The following ATP12A variants were observed in gnomAD, a reference collection of about 807,000 sequenced individuals.
ATP12A encodes the protein ATPase H+/K+ transporting non-gastric alpha2 subunit.
In ATP12A, 81 loss-of-function variants were observed where a neutral mutation model predicts 111.2. That is an observed-to-expected ratio of 0.73 (90% CI 0.61 to 0.88). The LOEUF is 0.88. Among genes scored for constraint, ATP12A ranks in the 40% least tolerant of loss-of-function variants. ATP12A has a pLI of 0.00. For missense variants in ATP12A, 1,196 were observed against 1,313.1 expected (o/e 0.91, Z 1.38); for synonymous variants, 498 against 499.8 (o/e 1.00, Z 0.05).
At chr13:24,709,887 G>T (rs1875888301) in intron 19 of ATP12A, 59 bp downstream of exon 19, 1 of 1,598,902 alleles carries the variant, frequency 6.3e-7, no homozygotes, top group Non-Finnish European at 8.5e-7. Context: ...TCATTGCCCT[G>T]CGCAGAATTA....
intron 17 of ATP12A, among the ~76,000 whole-genome samples, chr13:24,708,532 C>T (rs937371324): frequency 2.0e-5 from 3 of 152,106 alleles, no homozygotes; most frequent in African/African-American, 7.2e-5. Context: ...GCCTGCTTTG[C>T]TCTGCTGCAG....
In ATP12A at chr13:24,691,236, C is replaced by T. The variant is rs1874891236; in HGVS notation, c.1054C>T (p.Leu352=). The change falls in exon 8 of 23, where the codon CTG becomes TTG. Residue 352 remains leucine, a synonymous_variant. Coordinates refer to ENST00000381946, the MANE Select transcript of ATP12A (RefSeq NM_001676.7). The part of the protein sequence containing the change: ...IIVANVPEGL[L]ATVTVTLSLT... ...TGTGGCCAATGTGCCCGAGGGCCTC[C>T]TGGCCACTGTCACTGTGAGTCCATG... 1.9e-6 allele frequency: 3 copies of T among 1,612,476 alleles called. No homozygotes were observed. In the African/African-American group the frequency reaches 4.0e-5, roughly 22 times the overall value.
At position 24,706,418 on chromosome 13, in the gene ATP12A, A is replaced by T; in HGVS notation, c.2124A>T (p.Thr708=). The T allele has an allele frequency of 2.5e-6, 4 of 1,614,202 alleles. No homozygotes were observed. The highest frequency in any genetic ancestry group is 3.4e-6 in the Non-Finnish European group (4 of 1,180,038). The change falls in exon 15 of 23, where the codon ACA becomes ACT. Residue 708 remains threonine (T), a synonymous_variant. Transcript: ENST00000381946. ...ANYQEIVFAR[T]SPQQKLIIVE... is the part of the protein sequence containing the mutation. ...ACCAGGAGATTGTCTTTGCCCGGAC[A>T]TCCCCCCAGCAGAAGCTGATCATTG... is the stretch of plus-strand genomic sequence containing the variant.
chr13:24,686,923 G>A (rs1405471156), intron 3 of ATP12A, among the ~76,000 whole-genome samples: 1 of 152,070 alleles, frequency 6.6e-6, no homozygotes, highest in African/African-American at 2.4e-5. Context: ...AGGGAGGTGA[G>A]AGCAGGGAAG....
At chr13:24,693,489 G>A (rs367707262) in intron 10 of ATP12A, among the ~76,000 whole-genome samples, 15 of 151,794 alleles carry the variant, frequency 9.9e-5, no homozygotes, top group Non-Finnish European at 1.5e-4. Context: ...TTTTCTCTCC[G>A]TCAGACAGCT....
chr13:24,681,980 G>GT (rs1491533964), intron 2 of ATP12A, among the ~76,000 whole-genome samples: 5 of 133,074 alleles, frequency 3.8e-5, no homozygotes, highest in South Asian at 2.4e-4. Context: ...TATGGTGTGT[G>GT]GTGTGTGTGT....
At chr13:24,686,352 A>C (rs1158548496) in intron 3 of ATP12A, among the ~76,000 whole-genome samples, 1 of 151,286 alleles carries the variant, frequency 6.6e-6, no homozygotes, top group Non-Finnish European at 1.5e-5. Context: ...AGGCAGGAGA[A>C]TCTCTGAAAC....
At chr13:24,708,921 GAAA>G in intron 17 of ATP12A, among the ~76,000 whole-genome samples, 1 of 127,932 alleles carries the variant, frequency 7.8e-6, no homozygotes, top group African/African-American at 3.2e-5. Context: ...AAGAAAGAAA[GAAA>G]GAAAGAAAGA....
intron 17 of ATP12A, among the ~76,000 whole-genome samples, chr13:24,708,905 G>GAA (rs1283089530): frequency 1.2e-4 from 8 of 68,386 alleles, no homozygotes; most frequent in African/African-American, 2.7e-4. Flanking sequence ...AGAAAGGAAA[G>GAA]AAAGAAAGAA....
At chr13:24,702,491 G>A (rs182629029) in intron 14 of ATP12A, among the ~76,000 whole-genome samples, 6 of 152,224 alleles carry the variant, frequency 3.9e-5, no homozygotes, top group Non-Finnish European at 7.4e-5. Flanking sequence ...TTATCCACCC[G>A]GTTTCATAAC....
chr13:24,680,608 GCC>G lies in ATP12A; in HGVS notation c.-135_-134del. On this transcript the variant is annotated 5_prime_UTR_variant, in exon 1 of 23. Coordinates refer to ENST00000381946, the MANE Select transcript of ATP12A (RefSeq NM_001676.7). The stretch of plus-strand genomic sequence containing the variant: ...CGGAGGTGCGTGCAGGGCCCGCGCC[GCC>G]GCCGGTATCTCCACCGCCAACACCT... 1 of 1,085,982 alleles carries G rather than the reference GCC, an allele frequency of 9.2e-7. No homozygotes were observed. The highest frequency in any genetic ancestry group is 1.3e-6 in the Non-Finnish European group (1 of 783,460). The allele number at this position is 1,085,982 out of a possible 1,614,324, so 67.3% of individuals were successfully genotyped here.
intron 11 of ATP12A, among the ~76,000 whole-genome samples, chr13:24,697,637 CTCAAA>C (rs1875220325): frequency 1.3e-5 from 1 of 75,194 alleles, no homozygotes. Context: ...GGGACCCCGT[CTCAAA>C]AAAAAAAAAA....
At chr13:24,708,890 A>G (rs998124721) in intron 17 of ATP12A, among the ~76,000 whole-genome samples, 2 of 131,320 alleles carry the variant, frequency 1.5e-5, no homozygotes, top group African/African-American at 5.8e-5. Flanking sequence ...GAGAAAGAGA[A>G]AGAAAGAAAG....
At chr13:24,694,916 C>T (rs960592944) in intron 11 of ATP12A, among the ~76,000 whole-genome samples, 10 of 152,140 alleles carry the variant, frequency 6.6e-5, no homozygotes, top group Admixed American at 1.3e-4. Flanking sequence ...TACCTTCTGC[C>T]GTGAGGAGCA....
intron 2 of ATP12A, among the ~76,000 whole-genome samples, chr13:24,683,519 CAA>C (rs1232995114): frequency 6.6e-6 from 1 of 152,200 alleles, no homozygotes; most frequent in Non-Finnish European, 1.5e-5. Flanking sequence ...GAGAAATCAG[CAA>C]ACTCTACAAA....
chr13:24,694,376 G>A, intron 10 of ATP12A, 68 bp from the exon 11 acceptor site: 2 of 1,590,294 alleles, frequency 1.3e-6, no homozygotes, highest in Non-Finnish European at 1.7e-6. Flanking sequence ...TGTGTTTTGG[G>A]TCCTATGCTG....
rs766390022 is a variant in ATP12A, at chr13:24,698,810, A to G, written c.1665A>G (p.Thr555=). 6.2e-6 allele frequency: 10 copies of G among 1,614,004 alleles called. No individual in the cohort carries two copies. Among genetic ancestry groups the G allele is most frequent in the Non-Finnish European group, 8.5e-6 (10 of 1,180,006 alleles). The part of the protein sequence containing the change: ...LDKSTAKTFH[T]AYMELGGLGE... The stretch of plus-strand genomic sequence containing the variant: ...AGAGCACTGCCAAGACCTTCCACAC[A>G]GCCTACATGGAGCTGGGCGGGTTGG... The change falls in exon 12 of 23, where the codon ACA becomes ACG. Residue 555 remains threonine, a synonymous_variant. Transcript: ENST00000381946.
At chr13:24,700,620 C>A in intron 12 of ATP12A, 127 bp from the exon 13 acceptor site, 1 of 785,590 alleles carries the variant, frequency 1.3e-6, no homozygotes, top group Non-Finnish European at 1.9e-6. Flanking sequence ...AGAAATTAAA[C>A]AATTCTGGCT....
chr13:24,693,869 T>A (rs911451474), intron 10 of ATP12A, among the ~76,000 whole-genome samples: 25 of 152,260 alleles, frequency 1.6e-4, no homozygotes, highest in African/African-American at 5.8e-4. Flanking sequence ...AATAGCCGAT[T>A]ACCGGCTGAT....
Sources: allele counts gnomAD v4.1 joint callset (sites outside exome capture counted in the v4.1 genomes callset), GRCh38; gene constraint gnomAD v4.1.1; transcripts MANE v1.5; gene names NCBI Gene and HGNC (gene_info 2026-07-23, HGNC 2026-07-21).